The following STAG1 variants were observed in gnomAD, a reference collection of about 807,000 sequenced individuals.
STAG1 encodes the protein cohesin subunit SA-1.
Under a neutral mutation model 170.9 loss-of-function variants are expected in STAG1, and 26 were observed. The ratio of observed to expected loss-of-function variants is 0.15; its 90% CI spans 0.11 to 0.21. The LOEUF is 0.21. STAG1 is among the 10% of genes least tolerant of loss of function. The probability of loss-of-function intolerance (pLI) is 1.00; values close to 1 mark genes in which losing one functional copy is unlikely to be tolerated. For missense variants in STAG1, 964 were observed against 1,509.5 expected (o/e 0.64, Z 5.99); for synonymous variants, 514 against 497.7 (o/e 1.03, Z -0.44).
At chr3:136,460,492 C>T (rs1410409927) in intron 13 of STAG1, among the ~76,000 whole-genome samples, 1 of 152,052 alleles carries the variant, frequency 6.6e-6, no homozygotes, top group Non-Finnish European at 1.5e-5. Context: ...ATCCCAGCTA[C>T]TCGAGAGGCT....
In STAG1 at chr3:136,506,291, C is replaced by T. The variant is rs529396337; in HGVS notation, c.677-3512G>A. On this transcript the variant is annotated intron_variant, in intron 7 of 33. Coordinates refer to ENST00000383202, the MANE Select transcript of STAG1 (RefSeq NM_005862.3). ...GTGAAATGATGCTGGCTTAGATTAA[C>T]GTGGCAGCAATAGGTAGAGAGAAAT... Among the ~76,000 whole-genome samples the T allele has an allele frequency of 1.4e-4, 22 of 152,058 alleles. No individual in the cohort carries two copies. The East Asian group carries it at 2.9e-3, about 20-fold the overall frequency.
chr3:136,496,863 C>A (rs1319398017), intron 9 of STAG1, among the ~76,000 whole-genome samples: 1 of 151,568 alleles, frequency 6.6e-6, no homozygotes, highest in Non-Finnish European at 1.5e-5. Flanking sequence ...TCCACATACA[C>A]TGAACAATGA....
chr3:136,688,566 AT>A (rs1942616846), intron 1 of STAG1, among the ~76,000 whole-genome samples: 1 of 151,974 alleles, frequency 6.6e-6, no homozygotes, highest in Non-Finnish European at 1.5e-5. Flanking sequence ...TAATTTTTAT[AT>A]TTTTAGTAGA....
At chr3:136,508,536 A>C (rs1414443019) in intron 7 of STAG1, among the ~76,000 whole-genome samples, 2 of 152,078 alleles carry the variant, frequency 1.3e-5, no homozygotes. Flanking sequence ...AAAAATTTAA[A>C]AATTACCTGG....
chr3:136,618,925 T>G (rs938916550), intron 3 of STAG1, among the ~76,000 whole-genome samples: 1 of 151,878 alleles, frequency 6.6e-6, no homozygotes, highest in Non-Finnish European at 1.5e-5. Flanking sequence ...AAAAAAAAAG[T>G]AACATCATGT....
At chr3:136,575,308 TA>T (rs1937413356) in intron 4 of STAG1, among the ~76,000 whole-genome samples, 1 of 152,236 alleles carries the variant, frequency 6.6e-6, no homozygotes, top group African/African-American at 2.4e-5. Context: ...CATTGTAGCC[TA>T]AATCTCCCAG....
chr3:136,336,609 CCCA>C lies in STAG1; in HGVS notation c.*1642_*1644del, dbSNP rs1221249747. On this transcript the variant is annotated 3_prime_UTR_variant, in exon 34 of 34. Transcript: ENST00000383202. ...TCCTGCACCTTCACTTCCAGTGAAG[CCCA>C]CAATTCTGGGAGAAAGTGAGGCCCC... The C allele has an allele frequency of 6.6e-6, 1 of 152,200 alleles. No homozygotes were observed. The highest frequency in any genetic ancestry group is 2.4e-5 in the African/African-American group (1 of 41,446). The allele number at this position is 152,200 out of a possible 1,614,324, so 9.4% of individuals were successfully genotyped here. A position where few individuals can be genotyped will look rare whatever the true frequency, so the allele number is the denominator to read the frequency against.
intron 5 of STAG1, among the ~76,000 whole-genome samples, chr3:136,562,717 A>G (rs572805504): frequency 2.6e-5 from 4 of 151,876 alleles, no homozygotes; most frequent in Admixed American, 2.0e-4. Context: ...CCTCCCAAGT[A>G]GCTGGGATTG....
rs183625569 is a variant in STAG1, at chr3:136,405,045, A to C, written c.2197-6216T>G. Among the ~76,000 whole-genome samples the C allele has an allele frequency of 3.4e-4, 51 of 152,208 alleles. No individual in the cohort carries two copies. In the Middle Eastern group the frequency reaches 0.01, roughly 30 times the overall value. ...CTTTTTAGTGGACATGTGCATGATA[A>C]AAGAGTGAACTAAACTTAATTGTGT... On this transcript the variant is annotated intron_variant, in intron 21 of 33. Transcript: ENST00000383202.
At chr3:136,702,975 G>T (rs1943125021) in intron 1 of STAG1, among the ~76,000 whole-genome samples, 1 of 150,844 alleles carries the variant, frequency 6.6e-6, no homozygotes, top group African/African-American at 2.4e-5. Context: ...GGCTGAGGCA[G>T]GAGAATCATT....
At chr3:136,508,806 G>A (rs181075197) in intron 7 of STAG1, among the ~76,000 whole-genome samples, 80 of 152,362 alleles carry the variant, frequency 5.3e-4, no homozygotes, top group Non-Finnish European at 3.5e-4. Context: ...ACAAATTTCC[G>A]ATTTGCAAGT....
chr3:136,353,796 A>G (rs1402393686), intron 28 of STAG1, among the ~76,000 whole-genome samples: 2 of 152,258 alleles, frequency 1.3e-5, no homozygotes, highest in East Asian at 3.8e-4. Flanking sequence ...ATGAAAAAAC[A>G]AAGAGTGCCA....
chr3:136,571,560 C>A (rs932155511), intron 4 of STAG1, among the ~76,000 whole-genome samples: 1 of 151,836 alleles, frequency 6.6e-6, no homozygotes, highest in Non-Finnish European at 1.5e-5. Flanking sequence ...CAGGGCGAGA[C>A]CCTGTCAAAA....
intron 25 of STAG1, among the ~76,000 whole-genome samples, chr3:136,364,854 T>C (rs1460472712): frequency 6.6e-6 from 1 of 152,184 alleles, no homozygotes; most frequent in Non-Finnish European, 1.5e-5. Context: ...AAGATAGGTA[T>C]GTTTCCATGA....
intron 1 of STAG1, among the ~76,000 whole-genome samples, chr3:136,745,139 A>T (rs1161384596): frequency 6.6e-6 from 1 of 152,270 alleles, no homozygotes; most frequent in East Asian, 1.9e-4. Context: ...GCTAGAAAAC[A>T]AGTTAAAAGC....
intron 1 of STAG1, among the ~76,000 whole-genome samples, chr3:136,662,618 G>T (rs1301397748): frequency 1.3e-5 from 2 of 151,898 alleles, no homozygotes; most frequent in African/African-American, 2.4e-5. Context: ...ACTAATTTTT[G>T]ATTCTTTGTA....
At chr3:136,418,736 G>C (rs562497095) in intron 20 of STAG1, among the ~76,000 whole-genome samples, 14 of 151,884 alleles carry the variant, frequency 9.2e-5, no homozygotes, top group Admixed American at 2.0e-4. Flanking sequence ...CCGCCTCCCG[G>C]GTTCAAGAGA....
rs1367799279 is a variant in STAG1 at position 136,351,052 on chromosome 3, A to AAT, written c.3066-1691_3066-1690dup. Among the ~76,000 whole-genome samples the AAT allele has an allele frequency of 3.3e-5, 5 of 152,260 alleles. No homozygotes were observed. In the South Asian group the frequency reaches 8.3e-4, roughly 25 times the overall value. Reference sequence around the variant, plus strand: ...CAAGACATCATATATATACACCTTAAATATATATTATTTTTTAAAAGGAAG... The same window carrying AAT: ...CAAGACATCATATATATACACCTTAAATATATATATTATTTTTTAAAAGGAAG... On this transcript the variant is annotated intron_variant, in intron 28 of 33. Transcript: ENST00000383202.
At chr3:136,375,552 G>C (rs976877554) in intron 23 of STAG1, among the ~76,000 whole-genome samples, 6 of 152,264 alleles carry the variant, frequency 3.9e-5, no homozygotes, top group Middle Eastern at 3.4e-3. Context: ...CAGGTATTTA[G>C]AAAGAGCCAT....
Sources: allele counts gnomAD v4.1 joint callset (sites outside exome capture counted in the v4.1 genomes callset), GRCh38; gene constraint gnomAD v4.1.1; transcripts MANE v1.5; gene names NCBI Gene and HGNC (gene_info 2026-07-23, HGNC 2026-07-21).